Variants in MED28 observed in about 807,000 individuals in gnomAD.
MED28 encodes the protein mediator of RNA polymerase II transcription subunit 28.
Under a neutral mutation model 21.3 loss-of-function variants are expected in MED28, and 26 were observed. The ratio of observed to expected loss-of-function variants is 1.22; its 90% confidence interval spans 0.89 to 1.69. The LOEUF is 1.69. MED28 is among the 40% of genes most tolerant of loss of function. MED28 has a pLI of 0.00. For synonymous variants in MED28, 110 were observed against 87.6 expected (o/e 1.26, Z -1.43); for missense variants, 257 against 215.4 (o/e 1.19, Z -1.21).
intron 1 of MED28, among the ~76,000 whole-genome samples, chr4:17,619,523 GTC>G (rs1301915490): frequency 2.0e-5 from 3 of 152,204 alleles, no homozygotes; most frequent in African/African-American, 7.2e-5. Flanking sequence ...ACCGGCTGCT[GTC>G]TCTGAGGGGG....
At chr4:17,622,011 G>A (rs527712433) in intron 3 of MED28, among the ~76,000 whole-genome samples, 1 of 152,174 alleles carries the variant, frequency 6.6e-6, no homozygotes, top group Non-Finnish European at 1.5e-5. Context: ...TAACATATAG[G>A]CTTGTTTTGG....
Position 17,614,738 on chromosome 4 carries a change from G to C in MED28, c.84G>C (p.Ser28=). ...CGCCGGGCCTTCCGGGCCAAGCTTC[G>C]CTTCTTCAGGCAGCTCCAGGCGCTC... is the stretch of plus-strand genomic sequence containing the variant. ...QAPPGLPGQA[S]LLQAAPGAPR... The change falls in exon 1 of 4, where the codon TCG becomes TCC. Residue 28 remains serine (S), a synonymous_variant. Transcript: ENST00000237380. 1 of 1,614,238 alleles carries C rather than the reference G, an allele frequency of 6.2e-7. No individual in the cohort carries two copies. The highest frequency in any genetic ancestry group is 1.1e-5 in the South Asian group (1 of 91,088).
At chr4:17,618,149 C>G (rs564966822) in intron 1 of MED28, among the ~76,000 whole-genome samples, 1 of 151,580 alleles carries the variant, frequency 6.6e-6, no homozygotes, top group Non-Finnish European at 1.5e-5. Context: ...GTGGCTGGGA[C>G]TACAGGTGCG....
Position 17,633,681 on chromosome 4 carries a change from C to T in MED28, c.*9883C>T. On this transcript the variant is annotated 3_prime_UTR_variant, in exon 4 of 4. Coordinates refer to ENST00000237380, the MANE Select transcript of MED28 (RefSeq NM_025205.5). ...AATAAGGGCCCCTGTCCCCAACATC[C>T]CCCAAACCTTGTGGCAGTTTTTGCA... 1 of 1,519,332 alleles carries T rather than the reference C, an allele frequency of 6.6e-7. No homozygotes were observed. Among genetic ancestry groups the T allele is most frequent in the South Asian group, 1.2e-5 (1 of 80,166 alleles). 94.1% of individuals were successfully genotyped at this position (1,519,332 alleles called of 1,614,324 possible).
At chr4:17,621,937 A>G (rs1714649417) in intron 3 of MED28, among the ~76,000 whole-genome samples, 2 of 152,344 alleles carry the variant, frequency 1.3e-5, no homozygotes, top group South Asian at 4.1e-4. Flanking sequence ...TGTGTCATAC[A>G]TTGGCCTTCA....
chr4:17,618,013 C>CTTTT (rs529883796), intron 1 of MED28, among the ~76,000 whole-genome samples: 5 of 117,914 alleles, frequency 4.2e-5, no homozygotes, highest in Non-Finnish European at 6.7e-5. Flanking sequence ...CTTTTCTTTT[C>CTTTT]TTTTTTTTTT....
rs892224889 is a variant in MED28 at position 17,632,504 on chromosome 4, T to C, written c.*8706T>C. 20 of 1,465,306 alleles carry C rather than the reference T, an allele frequency of 1.4e-5. No homozygotes were observed. The highest frequency in any genetic ancestry group is 1.8e-5 in the Non-Finnish European group (19 of 1,077,152). The allele number at this position is 1,465,306 out of a possible 1,614,324, so 90.8% of individuals were successfully genotyped here. ...ATTTAAAATAAATGTTTTTCAAGTATCCTCTGTGATGTATCCCAAAGGTTA... is the reference window on the plus strand; with the variant it reads ...ATTTAAAATAAATGTTTTTCAAGTACCCTCTGTGATGTATCCCAAAGGTTA... On this transcript the variant is annotated 3_prime_UTR_variant, in exon 4 of 4. Coordinates refer to ENST00000237380, the MANE Select transcript of MED28 (RefSeq NM_025205.5).
Position 17,620,181 on chromosome 4 carries a change from G to C in MED28, c.226+214G>C, listed in dbSNP as rs573026898. ...ACGAATCATTTATAATGAACTTTTCGTATTCGTACTAGGTAAAGAAGAAGA... is the reference window on the plus strand; with the variant it reads ...ACGAATCATTTATAATGAACTTTTCCTATTCGTACTAGGTAAAGAAGAAGA... On this transcript the variant is annotated intron_variant, in intron 2 of 3. Coordinates refer to ENST00000237380, the MANE Select transcript of MED28 (RefSeq NM_025205.5). 21 of 555,040 alleles carry C rather than the reference G, an allele frequency of 3.8e-5. No individual in the cohort carries two copies. In the South Asian group the frequency reaches 4.2e-4, roughly 11 times the overall value. 34.4% of individuals were successfully genotyped at this position (555,040 alleles called of 1,614,324 possible).
rs950039229 is a variant in MED28, at chr4:17,633,678, A to T, written c.*9880A>T. The T allele has an allele frequency of 6.7e-6, 10 of 1,502,348 alleles. No homozygotes were observed. The African/African-American group carries it at 8.5e-5, about 13-fold the overall frequency. 93.1% of individuals were successfully genotyped at this position (1,502,348 alleles called of 1,614,324 possible). ...TAGAATAAGGGCCCCTGTCCCCAAC[A>T]TCCCCCAAACCTTGTGGCAGTTTTT... On this transcript the variant is annotated 3_prime_UTR_variant, in exon 4 of 4. Transcript: ENST00000237380.
At position 17,624,362 on chromosome 4, in the gene MED28, T is replaced by C. The variant is rs2108919100; in HGVS notation, c.*564T>C. 1 of 157,934 alleles carries C rather than the reference T, an allele frequency of 6.3e-6. No individual in the cohort carries two copies. Among genetic ancestry groups the C allele is most frequent in the South Asian group, 1.8e-4 (1 of 5,538 alleles). 9.8% of individuals were successfully genotyped at this position (157,934 alleles called of 1,614,324 possible). A position where few individuals can be genotyped will look rare whatever the true frequency, so the allele number is the denominator to read the frequency against. ...TTTTTGTAAATAGGTCAGAAGACGA[T>C]GGAACTGTCCTGGGTTAGTATAGTA... On this transcript the variant is annotated 3_prime_UTR_variant, in exon 4 of 4. Coordinates refer to ENST00000237380, the MANE Select transcript of MED28 (RefSeq NM_025205.5).
chr4:17,629,834 A>C lies in MED28; in HGVS notation c.*6036A>C, dbSNP rs181025864. On this transcript the variant is annotated 3_prime_UTR_variant, in exon 4 of 4. Transcript: ENST00000237380. Reference sequence around the variant, plus strand: ...AATAGTGTTAGGGCACAGTAGGTTCATTTACTGCTGGTAAGGGTGTAAATT... The same window carrying C: ...AATAGTGTTAGGGCACAGTAGGTTCCTTTACTGCTGGTAAGGGTGTAAATT... 1 of 152,204 alleles carries C rather than the reference A, an allele frequency of 6.6e-6. No individual in the cohort carries two copies. Among genetic ancestry groups the C allele is most frequent in the African/African-American group, 2.4e-5 (1 of 41,448 alleles). The allele number at this position is 152,204 out of a possible 1,614,324, so 9.4% of individuals were successfully genotyped here.
intron 3 of MED28, among the ~76,000 whole-genome samples, chr4:17,622,599 ATGTTTCAGATTT>A (rs1261159837): frequency 6.6e-6 from 1 of 152,204 alleles, no homozygotes; most frequent in African/African-American, 2.4e-5. Context: ...TTGTTAACAA[ATGTTTCAGATTT>A]TCAGTGTTTT....
intron 1 of MED28, among the ~76,000 whole-genome samples, chr4:17,618,013 CTT>C (rs529883796): frequency 0.015 from 1,804 of 117,802 alleles, 23 homozygotes; most frequent in African/African-American, 0.054. Context: ...CTTTTCTTTT[CTT>C]TTTTTTTTTT....
In MED28 at chr4:17,628,740, C is replaced by T. The variant is rs1714841153; in HGVS notation, c.*4942C>T. 1.3e-5 allele frequency: 2 copies of T among 152,196 alleles called. No homozygotes were observed. Among genetic ancestry groups the T allele is most frequent in the Non-Finnish European group, 2.9e-5 (2 of 68,092 alleles). The allele number at this position is 152,196 out of a possible 1,614,324, so 9.4% of individuals were successfully genotyped here. The stretch of plus-strand genomic sequence containing the variant: ...CAGTAGGATGAGGCTTGGGGACTGG[C>T]TCACTCACTGCCCAACTGGTAGCAA... On this transcript the variant is annotated 3_prime_UTR_variant, in exon 4 of 4. Transcript: ENST00000237380.
Position 17,628,255 on chromosome 4 carries a change from C to CGTGTGTGTGT in MED28, c.*4484_*4493dup, listed in dbSNP as rs71167314. On this transcript the variant is annotated 3_prime_UTR_variant, in exon 4 of 4. Coordinates refer to ENST00000237380, the MANE Select transcript of MED28 (RefSeq NM_025205.5). ...GCTGGTTAAAACGAGTGACAGCTGCCGTGTGTGTGTGTGTGTGTGTGTGTG... is the reference window on the plus strand; with the variant it reads ...GCTGGTTAAAACGAGTGACAGCTGCCGTGTGTGTGTGTGTGTGTGTGTGTGTGTGTGTGTG... 7,064 of 140,718 alleles carry CGTGTGTGTGT rather than the reference C, an allele frequency of 0.05. 245 individuals are homozygous for CGTGTGTGTGT. Among genetic ancestry groups the CGTGTGTGTGT allele is most frequent in the African/African-American group, 0.082 (3,094 of 37,574 alleles). 8.7% of individuals were successfully genotyped at this position (140,718 alleles called of 1,614,324 possible).
chr4:17,620,320 A>G (rs890764217), intron 2 of MED28, among the ~76,000 whole-genome samples: 4 of 150,942 alleles, frequency 2.7e-5, no homozygotes, highest in African/African-American at 7.3e-5. Context: ...AAAGGTAACC[A>G]GAGCTTCTGA....
rs1714639817 is a variant in MED28, at chr4:17,621,649, C to G, written c.289C>G (p.Gln97Glu). The G allele has an allele frequency of 6.2e-7, 1 of 1,609,498 alleles. No homozygotes were observed. Among genetic ancestry groups the G allele is most frequent in the Non-Finnish European group, 8.5e-7 (1 of 1,178,748 alleles). The change falls in exon 3 of 4, where the codon CAA becomes GAA. Residue 97 changes from glutamine (Q) to glutamate (E), a missense_variant. Physicochemically the swap from Gln to Glu is conservative, Grantham distance 29. Coordinates refer to ENST00000237380, the MANE Select transcript of MED28 (RefSeq NM_025205.5). The stretch of plus-strand genomic sequence containing the variant: ...AAGACAGACAGAATGTTTTTTCTTA[C>G]AAAAAAGATTGCAGTTATCTGTCCA... ...IARQTECFFL[Q>E]KRLQLSVQKP...
rs1714772286 is a variant in MED28, at chr4:17,626,358, G to C, written c.*2560G>C. On this transcript the variant is annotated 3_prime_UTR_variant, in exon 4 of 4. Coordinates refer to ENST00000237380, the MANE Select transcript of MED28 (RefSeq NM_025205.5). ...GAGGAGGGTTATGGAGGAAGAGTAT[G>C]GGATTTAGGTGGGTTAAGTGATTTG... is the stretch of plus-strand genomic sequence containing the variant. The C allele has an allele frequency of 6.6e-6, 1 of 152,340 alleles. No individual in the cohort carries two copies. Among genetic ancestry groups the C allele is most frequent in the Non-Finnish European group, 1.5e-5 (1 of 68,118 alleles). 9.4% of individuals were successfully genotyped at this position (152,340 alleles called of 1,614,324 possible).
rs894610368 is a variant in MED28, at chr4:17,629,284, G to C, written c.*5486G>C. The C allele has an allele frequency of 1.3e-5, 2 of 152,320 alleles. No individual in the cohort carries two copies. The highest frequency in any genetic ancestry group is 4.8e-5 in the African/African-American group (2 of 41,460). 9.4% of individuals were successfully genotyped at this position (152,320 alleles called of 1,614,324 possible). ...TGGGGGTGGAGGTGAGGTGACGGTA[G>C]AGATCAGTGCTACCCTTGGAAATCT... On this transcript the variant is annotated 3_prime_UTR_variant, in exon 4 of 4. Coordinates refer to ENST00000237380, the MANE Select transcript of MED28 (RefSeq NM_025205.5).
Sources: allele counts gnomAD v4.1 joint callset (sites outside exome capture counted in the v4.1 genomes callset), GRCh38; gene constraint gnomAD v4.1.1; transcripts MANE v1.5; gene names NCBI Gene and HGNC (gene_info 2026-07-23, HGNC 2026-07-21).